Variants in PLCL2 observed in about 807,000 individuals in gnomAD.
PLCL2 encodes phospholipase C like 2, also known as inactive phospholipase C-like protein 2.
Under a neutral mutation model 79.6 loss-of-function variants are expected in PLCL2, and 4 were observed. The ratio of observed to expected loss-of-function variants is 0.05; its 90% CI spans 0.02 to 0.11. The LOEUF (loss-of-function observed/expected upper bound fraction) is 0.11, where lower values mean the gene tolerates loss of function less well. Among genes scored for constraint, PLCL2 ranks in the 10% least tolerant of loss-of-function variants. The pLI, the probability that PLCL2 is intolerant of heterozygous loss-of-function variation, is 1.00. For missense variants in PLCL2, 895 were observed against 1,291.0 expected (o/e 0.69, Z 4.70); for synonymous variants, 484 against 457.7 (o/e 1.06, Z -0.73).
At chr3:17,053,327 C>T (rs1352964939) in intron 4 of PLCL2, among the ~76,000 whole-genome samples, 1 of 152,020 alleles carries the variant, frequency 6.6e-6, no homozygotes, top group Non-Finnish European at 1.5e-5. Flanking sequence ...AGGTGATGCG[C>T]TCTTTTAAAC....
rs1239632333 is a variant in PLCL2 at position 16,998,878 on chromosome 3, T to C, written c.328-10796T>C. On this transcript the variant is annotated intron_variant, in intron 1 of 5. Transcript: ENST00000615277. ...TAACCTGACTTTGAAAGCTTCCTGT[T>C]ACAGAAATTGGAAATTTGTTTTCTT... Among the ~76,000 whole-genome samples, 3 of 152,226 alleles carry C rather than the reference T, an allele frequency of 2.0e-5. No homozygotes were observed. The East Asian group carries it at 5.8e-4, about 29-fold the overall frequency.
At chr3:17,030,864 T>C (rs2064573649) in intron 3 of PLCL2, among the ~76,000 whole-genome samples, 1 of 152,220 alleles carries the variant, frequency 6.6e-6, no homozygotes, top group Admixed American at 6.5e-5. Context: ...TTAAATTACC[T>C]TCTGTTAATT....
chr3:16,893,196 T>C (rs937060185), intron 1 of PLCL2, among the ~76,000 whole-genome samples: 2 of 152,312 alleles, frequency 1.3e-5, no homozygotes, highest in South Asian at 4.1e-4. Flanking sequence ...TCCTCTCTGC[T>C]CTCCTTTGAT....
intron 1 of PLCL2, among the ~76,000 whole-genome samples, chr3:17,005,943 C>A (rs536333620): frequency 9.2e-5 from 14 of 152,296 alleles, no homozygotes; most frequent in Admixed American, 2.6e-4. Context: ...CACAGTATAA[C>A]AGCCAATTCT....
At chr3:16,912,228 C>T (rs896907766) in intron 1 of PLCL2, among the ~76,000 whole-genome samples, 1 of 151,942 alleles carries the variant, frequency 6.6e-6, no homozygotes, top group African/African-American at 2.4e-5. Flanking sequence ...GGAAATACTT[C>T]ACGTCAGTTT....
At chr3:17,083,144 T>TA (rs2124956147) in intron 5 of PLCL2, among the ~76,000 whole-genome samples, 1 of 151,972 alleles carries the variant, frequency 6.6e-6, no homozygotes, top group African/African-American at 2.4e-5. Context: ...CAATAGGTGT[T>TA]ATGGAAAAAG....
intron 1 of PLCL2, among the ~76,000 whole-genome samples, chr3:16,973,962 T>A (rs2063898879): frequency 6.6e-6 from 1 of 152,148 alleles, no homozygotes; most frequent in Non-Finnish European, 1.5e-5. Context: ...ATTATGGAGA[T>A]CCAGGTAGTG....
chr3:17,048,026 G>C (rs560181861), intron 4 of PLCL2, among the ~76,000 whole-genome samples: 69 of 151,860 alleles, frequency 4.5e-4, no homozygotes, highest in Non-Finnish European at 8.4e-4. Flanking sequence ...TCCTGCATGG[G>C]GAAAACCAGC....
rs577563295 is a variant in PLCL2, at chr3:17,032,559, C to CT, written c.3019-10310dup. ...GTGCTGTTTTTCCTTATCTTTGCTC[C>CT]TTTTTCCTCTCCTCCCAGCCTAACA... On this transcript the variant is annotated intron_variant, in intron 3 of 5. Transcript: ENST00000615277. 3.2e-3 allele frequency among the ~76,000 whole-genome samples: 480 copies of CT among 151,894 alleles called. 1 individual carries two copies. The highest frequency in any genetic ancestry group is 5.5e-3 in the Non-Finnish European group (372 of 67,954).
chr3:17,031,208 A>G (rs908585131), intron 3 of PLCL2, among the ~76,000 whole-genome samples: 4 of 152,126 alleles, frequency 2.6e-5, no homozygotes, highest in Admixed American at 6.5e-5. Flanking sequence ...CCCTCCATTC[A>G]GGATGTAGCG....
At chr3:17,051,406 G>C (rs13096536) in intron 4 of PLCL2, among the ~76,000 whole-genome samples, 32 of 151,640 alleles carry the variant, frequency 2.1e-4, no homozygotes, top group African/African-American at 7.0e-4. Flanking sequence ...AACATGTCAC[G>C]TACCCCATAA....
rs1166032618 is a variant in PLCL2 at position 16,924,694 on chromosome 3, A to G, written c.327+39328A>G. Among the ~76,000 whole-genome samples, 3 of 152,192 alleles carry G rather than the reference A, an allele frequency of 2.0e-5. No individual in the cohort carries two copies. In the East Asian group the frequency reaches 5.8e-4, roughly 29 times the overall value. ...TAAAGGTCATTGGCAGAGAAAATGC[A>G]GAGTGATAGATTTCTCCTTTCACTC... On this transcript the variant is annotated intron_variant, in intron 1 of 5. Coordinates refer to ENST00000615277, the MANE Select transcript of PLCL2 (RefSeq NM_001144382.2).
intron 1 of PLCL2, among the ~76,000 whole-genome samples, chr3:16,996,700 C>G (rs1169188191): frequency 7.2e-6 from 1 of 139,354 alleles, no homozygotes; most frequent in Non-Finnish European, 1.6e-5. Context: ...ATGCTGTTAT[C>G]AAAAAAAAAA....
At chr3:16,902,197 G>C (rs372581853) in intron 1 of PLCL2, among the ~76,000 whole-genome samples, 12 of 152,302 alleles carry the variant, frequency 7.9e-5, no homozygotes, top group African/African-American at 2.9e-4. Flanking sequence ...TTTGGCAGAT[G>C]ACACCACTAT....
intron 1 of PLCL2, among the ~76,000 whole-genome samples, chr3:16,916,305 C>T (rs1696994552): frequency 1.3e-5 from 2 of 152,062 alleles, no homozygotes; most frequent in Admixed American, 1.3e-4. Flanking sequence ...AAAAATATAA[C>T]ATCCTTTGTT....
intron 1 of PLCL2, among the ~76,000 whole-genome samples, chr3:16,991,669 T>C (rs2064106720): frequency 6.6e-6 from 1 of 152,218 alleles, no homozygotes; most frequent in Admixed American, 6.5e-5. Flanking sequence ...GGGTTGGTTT[T>C]CCCGTATTCC....
At chr3:17,077,061 C>T (rs1376154075) in intron 5 of PLCL2, among the ~76,000 whole-genome samples, 2 of 152,150 alleles carry the variant, frequency 1.3e-5, no homozygotes, top group East Asian at 3.8e-4. Flanking sequence ...CTGTCGGCTC[C>T]CTGAACTCCA....
intron 1 of PLCL2, among the ~76,000 whole-genome samples, chr3:16,995,350 AG>A (rs1262972677): frequency 2.0e-5 from 3 of 152,226 alleles, no homozygotes; most frequent in Non-Finnish European, 4.4e-5. Context: ...TTGCACACAA[AG>A]GGGAAATGCA....
At chr3:16,898,139 A>G (rs554646822) in intron 1 of PLCL2, among the ~76,000 whole-genome samples, 105 of 152,242 alleles carry the variant, frequency 6.9e-4, no homozygotes, top group Non-Finnish European at 1.3e-3. Context: ...CCGGAGAGGC[A>G]CCAACAGTTT....
Sources: allele counts gnomAD v4.1 joint callset (sites outside exome capture counted in the v4.1 genomes callset), GRCh38; gene constraint gnomAD v4.1.1; transcripts MANE v1.5; gene names NCBI Gene and HGNC (gene_info 2026-07-23, HGNC 2026-07-21).